PCBP3: variants seen among roughly 807,000 people sequenced by gnomAD.
The protein encoded by PCBP3 is poly(rC) binding protein 3, also known as poly(rC)-binding protein 3.
PCBP3 carries 25 observed loss-of-function variants against 52.7 expected under a neutral mutation model. The ratio of observed to expected loss-of-function variants is 0.47; its 90% confidence interval spans 0.35 to 0.66. PCBP3 has a LOEUF of 0.66. Among genes scored for constraint, PCBP3 ranks in the 30% least tolerant of loss-of-function variants. PCBP3 has a pLI of 0.01. For synonymous variants in PCBP3, 162 were observed against 183.0 expected, an observed-to-expected ratio of 0.89 and a Z score of 0.93; for missense variants, 391 against 490.3, an observed-to-expected ratio of 0.80 and a Z score of 1.91.
intron 13 of PCBP3, among the ~76,000 whole-genome samples, chr21:45,923,874 A>G (rs368344004): frequency 3.2e-4 from 32 of 99,420 alleles, no homozygotes; most frequent in South Asian, 7.0e-4. Flanking sequence ...CACACGTAAG[A>G]TCGGGTGTGC....
At chr21:45,819,845 A>G (rs190791457) in intron 4 of PCBP3, among the ~76,000 whole-genome samples, 12 of 152,334 alleles carry the variant, frequency 7.9e-5, no homozygotes, top group African/African-American at 2.2e-4. Flanking sequence ...ACTCGGGCCA[A>G]GCTCCGTCTG....
chr21:45,745,729 G>A (rs2086779142), intron 3 of PCBP3, among the ~76,000 whole-genome samples: 1 of 152,256 alleles, frequency 6.6e-6, no homozygotes, highest in Admixed American at 6.5e-5. Flanking sequence ...GAGAAAGGGA[G>A]GAAGGGACAG....
intron 4 of PCBP3, among the ~76,000 whole-genome samples, chr21:45,846,787 C>T (rs538032606): frequency 2.4e-4 from 36 of 152,336 alleles, no homozygotes; most frequent in Non-Finnish European, 4.4e-4. Flanking sequence ...GAGGCTGGAC[C>T]TTGTCCCACA....
At chr21:45,668,360 A>C (rs1989537) in intron 1 of PCBP3, among the ~76,000 whole-genome samples, 32,953 of 152,110 alleles carry the variant, frequency 0.22, 4,112 homozygotes, top group Middle Eastern at 0.34. Flanking sequence ...TTTGTTTTGA[A>C]AGATACCTCT....
rs559767261 is a variant in PCBP3, at chr21:45,765,619, C to T, written c.-126+10167C>T. 1.6e-4 allele frequency among the ~76,000 whole-genome samples: 24 copies of T among 152,256 alleles called. No individual in the cohort carries two copies. In the South Asian group the frequency reaches 3.9e-3, roughly 25 times the overall value. ...TGCTGGTCCTGGGAGGGTTTGCCAG[C>T]GCGGCTCTTCCATTGTCTGCCTTCC... On this transcript the variant is annotated intron_variant, in intron 4 of 17. Coordinates refer to ENST00000681687, the MANE Select transcript of PCBP3 (RefSeq NM_001384156.1).
chr21:45,930,419 C>T (rs971943513), intron 14 of PCBP3, among the ~76,000 whole-genome samples: 5 of 152,176 alleles, frequency 3.3e-5, no homozygotes, highest in East Asian at 1.9e-4. Flanking sequence ...GAAGCCACTG[C>T]GTATCCCAAG....
At chr21:45,785,787 T>C (rs555947128) in intron 4 of PCBP3, among the ~76,000 whole-genome samples, 4 of 148,450 alleles carry the variant, frequency 2.7e-5, no homozygotes, top group Admixed American at 1.3e-4. Flanking sequence ...TGTTCTGTAC[T>C]AGAAAAATTC....
chr21:45,647,246 A>C (rs1410092983), intron 1 of PCBP3, among the ~76,000 whole-genome samples: 1 of 152,224 alleles, frequency 6.6e-6, no homozygotes, highest in Non-Finnish European at 1.5e-5. Context: ...TTTTGTTGAC[A>C]GAAACTCAGG....
In PCBP3 at chr21:45,941,713, C is replaced by A; in HGVS notation, c.*7C>A. 1 of 1,601,702 alleles carries A rather than the reference C, an allele frequency of 6.2e-7. No individual in the cohort carries two copies. Among genetic ancestry groups the A allele is most frequent in the South Asian group, 1.1e-5 (1 of 88,952 alleles). ...CGGGATGGGCACGCTGTAATCCTAC[C>A]CAGCACCCTTCCCCCGCGTCACCCA... On this transcript the variant is annotated 3_prime_UTR_variant, in exon 18 of 18. Transcript: ENST00000681687.
chr21:45,935,131 C>T, intron 15 of PCBP3, 122 bp from the exon 16 acceptor site: 1 of 683,928 alleles, frequency 1.5e-6, no homozygotes, highest in African/African-American at 1.8e-5. Flanking sequence ...TGTGCTGACC[C>T]TCACACTTGG....
At chr21:45,718,872 G>C (rs977292819) in intron 2 of PCBP3, among the ~76,000 whole-genome samples, 2 of 152,188 alleles carry the variant, frequency 1.3e-5, no homozygotes, top group African/African-American at 4.8e-5. Context: ...TATGAAAATT[G>C]ATGAATGGCT....
At position 45,813,968 on chromosome 21, in the gene PCBP3, T is replaced by G. The variant is rs139303909; in HGVS notation, c.-125-35993T>G. On this transcript the variant is annotated intron_variant, in intron 4 of 17. Transcript: ENST00000681687. ...GGACACATGCTGAGAAATGTGTTGT[T>G]AGGCAATTTCCTCCCTGTGTGAACA... Among the ~76,000 whole-genome samples the G allele has an allele frequency of 2.4e-3, 364 of 152,334 alleles. 1 individual carries two copies. The highest frequency in any genetic ancestry group is 0.01 in the Middle Eastern group (3 of 294).
In PCBP3 at chr21:45,724,531, C is replaced by T. The variant is rs550785580; in HGVS notation, c.-199-10861C>T. Among the ~76,000 whole-genome samples, 6 of 152,280 alleles carry T rather than the reference C, an allele frequency of 3.9e-5. No homozygotes were observed. The highest frequency in any genetic ancestry group is 1.2e-4 in the African/African-American group (5 of 41,542). ...GCGAGGTGGGGACAGCTGGGAATCT[C>T]GCTGCCTTCATGGTGGCGGGCCAGG... On this transcript the variant is annotated intron_variant, in intron 2 of 17. Transcript: ENST00000681687. This position sits in a 1 kb window ranked among gnomAD's most constrained non-coding sequence, Gnocchi z 5.3.
rs2147680364 is a variant in PCBP3 at position 45,829,302 on chromosome 21, C to G, written c.-125-20659C>G. On this transcript the variant is annotated intron_variant, in intron 4 of 17. Transcript: ENST00000681687. The surrounding 1 kb of genome is among the most constrained non-coding windows in gnomAD (Gnocchi z 5.2). ...TGGGGAGAAGGTGCGTGGTCCATTT[C>G]TCCAGGAGTCCGTGGCTTCTGCAAT... The G allele has an allele frequency of 6.6e-6, 1 of 152,372 alleles. No individual in the cohort carries two copies. Among genetic ancestry groups the G allele is most frequent in the South Asian group, 2.1e-4 (1 of 4,826 alleles). 9.4% of individuals were successfully genotyped at this position (152,372 alleles called of 1,614,324 possible). A position where few individuals can be genotyped will look rare whatever the true frequency, so the allele number is the denominator to read the frequency against.
chr21:45,806,814 A>G (rs1018811858), intron 4 of PCBP3, among the ~76,000 whole-genome samples: 1 of 152,038 alleles, frequency 6.6e-6, no homozygotes, highest in African/African-American at 2.4e-5. Context: ...CACCCAGAGC[A>G]CTGAGGCACT....
intron 5 of PCBP3, among the ~76,000 whole-genome samples, chr21:45,866,486 T>C (rs1283058106): frequency 6.6e-6 from 1 of 152,140 alleles, no homozygotes; most frequent in African/African-American, 2.4e-5. Flanking sequence ...TGGTTAAGGT[T>C]AACAGGAACC....
chr21:45,917,893 C>T lies in PCBP3; in HGVS notation c.717+264C>T. On this transcript the variant is annotated intron_variant, in intron 13 of 17. Transcript: ENST00000681687. This position sits in a 1 kb window ranked among gnomAD's most constrained non-coding sequence, Gnocchi z 5.3. ...CTGGGTTTTCCTCCCTCCCACGGGG[C>T]CTGGGAGGGAACTGAGACGGGCTCT... 2.0e-6 allele frequency: 1 copy of T among 502,388 alleles called. No homozygotes were observed. The allele number at this position is 502,388 out of a possible 1,614,324, so 31.1% of individuals were successfully genotyped here. A position where few individuals can be genotyped will look rare whatever the true frequency, so the allele number is the denominator to read the frequency against.
intron 4 of PCBP3, among the ~76,000 whole-genome samples, chr21:45,824,010 G>A (rs2093231886): frequency 2.6e-5 from 4 of 152,176 alleles, no homozygotes; most frequent in Admixed American, 2.6e-4. Context: ...CCAAAGTGCT[G>A]GGATTACAGG....
chr21:45,673,194 A>G (rs2081275124), intron 2 of PCBP3, among the ~76,000 whole-genome samples: 1 of 152,196 alleles, frequency 6.6e-6, no homozygotes, highest in Non-Finnish European at 1.5e-5. Context: ...TGAAAGAAGA[A>G]AATTTCTGAT....
Sources: gnomAD v4.1 joint callset for allele counts (sites outside exome capture counted in the v4.1 genomes callset) on GRCh38, gnomAD v4.1.1 for gene constraint, Gnocchi (gnomAD v3.1) non-coding constraint, MANE v1.5 for transcripts, NCBI Gene and HGNC (gene_info 2026-07-23, HGNC 2026-07-21) for gene names.